The following CTNND2 variants were observed in gnomAD, a reference collection of about 807,000 sequenced individuals.
CTNND2 encodes catenin delta-2.
Under a neutral mutation model 144.4 loss-of-function variants are expected in CTNND2, and 22 were observed. That is an observed-to-expected ratio of 0.15 (90% CI 0.11 to 0.22). The LOEUF (loss-of-function observed/expected upper bound fraction) is 0.22, where lower values mean the gene tolerates loss of function less well. Ranked by LOEUF, CTNND2 falls within the 10% of genes least tolerant of loss-of-function variation. CTNND2 has a pLI of 1.00. For synonymous variants in CTNND2, 751 were observed against 695.6 expected (o/e 1.08, Z -1.25); for missense variants, 1,353 against 1,618.8 (o/e 0.84, Z 2.82).
chr5:11,309,774 C>G (rs1271583224), intron 9 of CTNND2, among the ~76,000 whole-genome samples: 1 of 152,122 alleles, frequency 6.6e-6, no homozygotes, highest in Non-Finnish European at 1.5e-5. Context: ...AATCTTGTGT[C>G]AAATTGTAAT....
chr5:11,513,712 G>T (rs1395511392), intron 3 of CTNND2, among the ~76,000 whole-genome samples: 29 of 151,996 alleles, frequency 1.9e-4, no homozygotes, highest in Admixed American at 1.8e-3. Context: ...ATCTCTTTAA[G>T]TACGTCTTAA....
intron 3 of CTNND2, among the ~76,000 whole-genome samples, chr5:11,520,878 T>G (rs564416668): frequency 1.3e-5 from 2 of 152,328 alleles, no homozygotes; most frequent in East Asian, 3.9e-4. Context: ...GATCTCTGTT[T>G]AAGGAGAAAT....
chr5:11,869,998 A>C (rs1031981144), intron 1 of CTNND2, among the ~76,000 whole-genome samples: 1 of 152,316 alleles, frequency 6.6e-6, no homozygotes, highest in East Asian at 1.9e-4. Context: ...GGCCTTGAAG[A>C]AGCATGAAAC....
chr5:11,411,949 TA>T, intron 4 of CTNND2, 85 bp downstream of exon 4: 1 of 1,077,168 alleles, frequency 9.3e-7, no homozygotes, highest in Non-Finnish European at 1.4e-6. Context: ...ATTACTTTTC[TA>T]AGTCTCATTC....
intron 2 of CTNND2, among the ~76,000 whole-genome samples, chr5:11,612,075 T>C (rs1402806811): frequency 6.6e-6 from 1 of 152,186 alleles, no homozygotes; most frequent in Non-Finnish European, 1.5e-5. Context: ...GCCTACGTAA[T>C]GGAAAGTCAC....
At position 11,654,226 on chromosome 5, in the gene CTNND2, T is replaced by A. The variant is rs1420971346; in HGVS notation, c.174+77910A>T. ...CTCAAGATTGCTTTGCTCTTCCTGG[T>A]ACCATAAAATTTTAGAATTATTTTT... On this transcript the variant is annotated intron_variant, in intron 2 of 21. Coordinates refer to ENST00000304623, the MANE Select transcript of CTNND2 (RefSeq NM_001332.4). 2.6e-5 allele frequency among the ~76,000 whole-genome samples: 4 copies of A among 151,982 alleles called. No homozygotes were observed. The East Asian group carries it at 7.7e-4, about 29-fold the overall frequency.
chr5:11,088,910 G>C (rs963086826), intron 15 of CTNND2, among the ~76,000 whole-genome samples: 1 of 152,200 alleles, frequency 6.6e-6, no homozygotes, highest in Non-Finnish European at 1.5e-5. Context: ...GCTGGTAGGG[G>C]ATGAGTTTAT....
chr5:11,082,923 G>A (rs983415799), intron 15 of CTNND2, 77 bp from the exon 16 acceptor site: 2 of 1,536,100 alleles, frequency 1.3e-6, no homozygotes, highest in African/African-American at 1.4e-5. Context: ...TGCGTTTTCA[G>A]GCGGCTGCTT....
intron 1 of CTNND2, among the ~76,000 whole-genome samples, chr5:11,844,989 T>C (rs1794665512): frequency 1.3e-5 from 2 of 152,202 alleles, no homozygotes; most frequent in South Asian, 4.1e-4. Flanking sequence ...GAACGGGAGC[T>C]AGCGTGTGAC....
At chr5:11,200,709 C>A (rs975427516) in intron 10 of CTNND2, among the ~76,000 whole-genome samples, 2 of 152,068 alleles carry the variant, frequency 1.3e-5, no homozygotes, top group African/African-American at 4.8e-5. Context: ...GACAGAGTCT[C>A]GCTCTGTCAC....
chr5:11,820,325 T>C (rs1035727319), intron 1 of CTNND2, among the ~76,000 whole-genome samples: 1 of 152,148 alleles, frequency 6.6e-6, no homozygotes, highest in Non-Finnish European at 1.5e-5. Context: ...ATGTCTAATA[T>C]TTCACTCCAT....
intron 2 of CTNND2, among the ~76,000 whole-genome samples, chr5:11,645,032 C>T (rs1376703002): frequency 1.3e-5 from 2 of 152,148 alleles, no homozygotes; most frequent in Non-Finnish European, 2.9e-5. Flanking sequence ...GCATAACCAT[C>T]ATAGCTCACT....
At chr5:11,533,431 C>T (rs1275042089) in intron 3 of CTNND2, among the ~76,000 whole-genome samples, 4 of 152,170 alleles carry the variant, frequency 2.6e-5, no homozygotes, top group South Asian at 2.1e-4. Flanking sequence ...AAATGTTCCC[C>T]GGGCTGGCTT....
chr5:11,791,063 G>C (rs1791109793), intron 1 of CTNND2, among the ~76,000 whole-genome samples: 1 of 152,132 alleles, frequency 6.6e-6, no homozygotes, highest in Admixed American at 6.5e-5. Flanking sequence ...ACCATGGGAA[G>C]ACAGAGGCGG....
chr5:11,557,145 A>G (rs1464734367), intron 3 of CTNND2, among the ~76,000 whole-genome samples: 2 of 152,162 alleles, frequency 1.3e-5, no homozygotes, highest in Non-Finnish European at 2.9e-5. Flanking sequence ...GCTTTTTGTA[A>G]TATATATCTA....
rs368293902 is a variant in CTNND2 at position 11,664,367 on chromosome 5, C to T, written c.174+67769G>A. 1.7e-4 allele frequency among the ~76,000 whole-genome samples: 26 copies of T among 152,206 alleles called. 1 individual carries two copies. In the East Asian group the frequency reaches 2.7e-3, roughly 16 times the overall value. On this transcript the variant is annotated intron_variant, in intron 2 of 21. Coordinates refer to ENST00000304623, the MANE Select transcript of CTNND2 (RefSeq NM_001332.4). The stretch of plus-strand genomic sequence containing the variant: ...CAACACTTTGGGAGGCCAAGGCCAG[C>T]GGATCACGAGGTCAGGAGATTGAGA...
intron 15 of CTNND2, among the ~76,000 whole-genome samples, chr5:11,097,167 G>T (rs977243981): frequency 3.9e-5 from 6 of 152,172 alleles, no homozygotes; most frequent in African/African-American, 1.2e-4. Context: ...AAAAGGTGGA[G>T]CCTCGGTTTG....
intron 2 of CTNND2, among the ~76,000 whole-genome samples, chr5:11,707,425 T>C (rs1315658556): frequency 1.3e-5 from 2 of 152,186 alleles, no homozygotes; most frequent in Admixed American, 6.5e-5. Context: ...GCATCTCACT[T>C]CTGCCTTCTT....
At chr5:11,089,280 A>G (rs1408885270) in intron 15 of CTNND2, among the ~76,000 whole-genome samples, 1 of 152,238 alleles carries the variant, frequency 6.6e-6, no homozygotes, top group Non-Finnish European at 1.5e-5. Context: ...CTAGTGTACT[A>G]AAATAAACTC....
Sources: gnomAD v4.1 joint callset for allele counts (sites outside exome capture counted in the v4.1 genomes callset) on GRCh38, gnomAD v4.1.1 for gene constraint, MANE v1.5 for transcripts, NCBI Gene and HGNC (gene_info 2026-07-23, HGNC 2026-07-21) for gene names.